GRM7: variants seen among roughly 807,000 people sequenced by gnomAD.
GRM7 encodes the protein glutamate metabotropic receptor 7.
In GRM7, 35 loss-of-function variants were observed where a neutral mutation model predicts 84.5. The ratio of observed to expected loss-of-function variants is 0.41; its 90% CI spans 0.32 to 0.55. The LOEUF (loss-of-function observed/expected upper bound fraction) is 0.55. Among genes scored for constraint, GRM7 ranks in the 20% least tolerant of loss-of-function variants. The probability of loss-of-function intolerance (pLI) is 0.19; values close to 1 mark genes in which losing one functional copy is unlikely to be tolerated. For synonymous variants in GRM7, 487 were observed against 455.1 expected (o/e 1.07, Z -0.89); for missense variants, 1,003 against 1,194.6 (o/e 0.84, Z 2.36).
intron 9 of GRM7, among the ~76,000 whole-genome samples, chr3:7,719,704 C>T (rs1241617337): frequency 1.3e-5 from 2 of 151,030 alleles, no homozygotes; most frequent in East Asian, 1.9e-4. Flanking sequence ...CCCAGCTACT[C>T]GGGAGGCTGA....
At chr3:7,090,414 A>G (rs1698619736) in intron 1 of GRM7, among the ~76,000 whole-genome samples, 1 of 152,160 alleles carries the variant, frequency 6.6e-6, no homozygotes, top group South Asian at 2.1e-4. Context: ...AGTGGGATGA[A>G]TGGATGAAAG....
chr3:7,340,408 A>T (rs1701594034), intron 4 of GRM7, among the ~76,000 whole-genome samples: 1 of 152,120 alleles, frequency 6.6e-6, no homozygotes, highest in Non-Finnish European at 1.5e-5. Context: ...AGCAGGTGAG[A>T]GAGTGTGTAT....
At position 7,579,379 on chromosome 3, in the gene GRM7, AAT is replaced by A. The variant is rs769595515; in HGVS notation, c.2451+25_2451+26del. 74 of 1,376,256 alleles carry A rather than the reference AAT, an allele frequency of 5.4e-5. No homozygotes were observed. In the African/African-American group the frequency reaches 9.4e-4, roughly 18 times the overall value. 85.3% of individuals were successfully genotyped at this position (1,376,256 alleles called of 1,614,324 possible). On this transcript the variant is annotated intron_variant, in intron 8 of 9. Coordinates refer to ENST00000357716, the MANE Select transcript of GRM7 (RefSeq NM_000844.4). ...AAAGGTAAGTGAAAATGCACATCATAATATGTTTTTTAAAAATGTGTTCATTT... is the reference window on the plus strand; with the variant it reads ...AAAGGTAAGTGAAAATGCACATCATAATGTTTTTTAAAAATGTGTTCATTT...
chr3:7,642,763 A>C (rs1698422299), intron 8 of GRM7, among the ~76,000 whole-genome samples: 1 of 152,196 alleles, frequency 6.6e-6, no homozygotes, highest in Non-Finnish European at 1.5e-5. Flanking sequence ...AGCCAAACAT[A>C]ATGCAAATTA....
chr3:7,271,510 A>G (rs9835821), intron 2 of GRM7, among the ~76,000 whole-genome samples: 133,111 of 148,352 alleles, frequency 0.9, 59,992 homozygotes, highest in East Asian at 0.98. Flanking sequence ...AGTGAGCTGA[A>G]ATCGCGTCAT....
At chr3:6,883,123 C>A (rs1464307708) in intron 1 of GRM7, among the ~76,000 whole-genome samples, 2 of 152,030 alleles carry the variant, frequency 1.3e-5, no homozygotes, top group Admixed American at 6.6e-5. Flanking sequence ...AAACATGAGA[C>A]CTACATGATT....
chr3:7,592,591 TG>T (rs1322502161), intron 8 of GRM7, among the ~76,000 whole-genome samples: 1 of 152,208 alleles, frequency 6.6e-6, no homozygotes, highest in Non-Finnish European at 1.5e-5. Context: ...GGATTCTGGA[TG>T]GAGGCACAGC....
intron 1 of GRM7, among the ~76,000 whole-genome samples, chr3:7,144,205 CGTACTTGTGAGTG>C (rs1694037440): frequency 6.6e-6 from 1 of 152,118 alleles, no homozygotes; most frequent in Non-Finnish European, 1.5e-5. Context: ...AGCAAAGCAT[CGTACTTGTGAGTG>C]TTTATAGCTT....
intron 1 of GRM7, among the ~76,000 whole-genome samples, chr3:6,909,650 A>G (rs1696699281): frequency 6.6e-6 from 1 of 152,070 alleles, no homozygotes; most frequent in Admixed American, 6.6e-5. Flanking sequence ...AAGTCAGGGA[A>G]ATATGCCACT....
chr3:7,718,095 G>A (rs905218033), intron 9 of GRM7, among the ~76,000 whole-genome samples: 2 of 152,182 alleles, frequency 1.3e-5, no homozygotes, highest in African/African-American at 2.4e-5. Flanking sequence ...GGCCTTGGGA[G>A]TTATACTTAA....
chr3:7,325,852 T>G (rs1194305766), intron 4 of GRM7, among the ~76,000 whole-genome samples: 4 of 152,160 alleles, frequency 2.6e-5, no homozygotes, highest in African/African-American at 9.6e-5. Flanking sequence ...CTCCCAAATT[T>G]GTTAGTTTAC....
intron 7 of GRM7, among the ~76,000 whole-genome samples, chr3:7,568,997 G>A (rs1390654914): frequency 6.6e-6 from 1 of 152,212 alleles, no homozygotes; most frequent in Non-Finnish European, 1.5e-5. Context: ...TGGGGAACTG[G>A]CAGGCAGCTC....
intron 1 of GRM7, among the ~76,000 whole-genome samples, chr3:6,940,208 C>T (rs1214304383): frequency 6.6e-6 from 1 of 152,106 alleles, no homozygotes; most frequent in Non-Finnish European, 1.5e-5. Flanking sequence ...ACTCCTGCCT[C>T]AACCTCCCAA....
intron 1 of GRM7, among the ~76,000 whole-genome samples, chr3:7,047,073 A>G (rs1281912091): frequency 6.6e-6 from 1 of 152,056 alleles, no homozygotes; most frequent in East Asian, 1.9e-4. Flanking sequence ...TCATAGTTGC[A>G]ATAGTATATA....
chr3:7,148,600 G>A (rs953678858), intron 2 of GRM7, among the ~76,000 whole-genome samples: 5 of 152,144 alleles, frequency 3.3e-5, no homozygotes, highest in African/African-American at 9.7e-5. Context: ...CAGGTCAATG[G>A]TGACTTTCAC....
chr3:6,975,835 C>T (rs1178701308), intron 1 of GRM7, among the ~76,000 whole-genome samples: 4 of 152,036 alleles, frequency 2.6e-5, no homozygotes, highest in African/African-American at 7.2e-5. Context: ...TCCTTAAGTG[C>T]CTCTTATTAT....
chr3:7,463,647 A>G (rs1017211988), intron 7 of GRM7, among the ~76,000 whole-genome samples: 6 of 152,120 alleles, frequency 3.9e-5, no homozygotes, highest in Non-Finnish European at 7.3e-5. Context: ...TAATGGAGGT[A>G]GAAAAGGAAG....
chr3:7,401,407 A>G (rs527514919), intron 4 of GRM7, among the ~76,000 whole-genome samples: 2 of 152,258 alleles, frequency 1.3e-5, no homozygotes, highest in South Asian at 4.1e-4. Context: ...AGGCAAGACC[A>G]TATTTATAAT....
At chr3:7,474,511 C>T (rs1183018422) in intron 7 of GRM7, among the ~76,000 whole-genome samples, 4 of 151,602 alleles carry the variant, frequency 2.6e-5, no homozygotes, top group Non-Finnish European at 4.4e-5. Context: ...GAGAAAAGTC[C>T]CCCTTGATCC....
Sources: allele counts gnomAD v4.1 joint callset (sites outside exome capture counted in the v4.1 genomes callset), GRCh38; gene constraint gnomAD v4.1.1; transcripts MANE v1.5; gene names NCBI Gene and HGNC (gene_info 2026-07-23, HGNC 2026-07-21).